The following USP18 variants were observed in gnomAD, a reference collection of about 807,000 sequenced individuals.
USP18 encodes ubl carboxyl-terminal hydrolase 18.
A neutral mutation model predicts 48.7 loss-of-function variants in USP18; 11 were observed. The observed-to-expected ratio is 0.23, with a 90% CI of 0.14 to 0.37. The LOEUF (loss-of-function observed/expected upper bound fraction) is 0.37. Among genes scored for constraint, USP18 ranks in the 10% least tolerant of loss-of-function variants. USP18 has a pLI of 1.00. For missense variants in USP18, 285 were observed against 436.4 expected (o/e 0.65, Z 3.09); for synonymous variants, 114 against 163.2 (o/e 0.70, Z 2.30).
intron 10 of USP18, among the ~76,000 whole-genome samples, chr22:18,174,186 C>T (rs1929715251): frequency 6.6e-6 from 1 of 152,036 alleles, no homozygotes; most frequent in Admixed American, 6.5e-5. Flanking sequence ...TGCTGATTCA[C>T]CCAGATTCGT....
intron 4 of USP18, among the ~76,000 whole-genome samples, chr22:18,166,146 C>T (rs2123736431): frequency 6.6e-6 from 1 of 152,342 alleles, no homozygotes; most frequent in Non-Finnish European, 1.5e-5. Flanking sequence ...CGTCCTCAGT[C>T]TGGAGAACCT....
At chr22:18,166,656 C>T (rs1209784454) in intron 4 of USP18, among the ~76,000 whole-genome samples, 1 of 152,034 alleles carries the variant, frequency 6.6e-6, no homozygotes, top group Admixed American at 6.6e-5. Context: ...TTGCATGTGG[C>T]CTTGTTGTCA....
intron 8 of USP18, among the ~76,000 whole-genome samples, chr22:18,172,551 G>C (rs1178023567): frequency 6.6e-6 from 1 of 150,638 alleles, no homozygotes; most frequent in Non-Finnish European, 1.5e-5. Context: ...CAGTTGATTT[G>C]GTTGAATATT....
intron 1 of USP18, among the ~76,000 whole-genome samples, chr22:18,152,343 A>T (rs1430921956): frequency 6.6e-6 from 1 of 150,642 alleles, no homozygotes; most frequent in Non-Finnish European, 1.5e-5. Flanking sequence ...TTCTCTGAGG[A>T]CCCCGATTGG....
At chr22:18,163,559 C>T (rs1219303925) in intron 4 of USP18, among the ~76,000 whole-genome samples, 3 of 151,420 alleles carry the variant, frequency 2.0e-5, no homozygotes, top group African/African-American at 7.3e-5. Context: ...AGGAGAATGG[C>T]GTGAACCCGG....
intron 4 of USP18, among the ~76,000 whole-genome samples, chr22:18,164,780 C>G (rs1929432037): frequency 6.6e-6 from 1 of 152,132 alleles, no homozygotes. Flanking sequence ...AACTGCTGAC[C>G]CATGTCTGCT....
At chr22:18,156,012 C>T (rs926396576) in intron 1 of USP18, among the ~76,000 whole-genome samples, 12 of 152,318 alleles carry the variant, frequency 7.9e-5, no homozygotes, top group African/African-American at 2.2e-4. Context: ...ATATACCAAT[C>T]GGCACTCTGT....
Position 18,155,429 on chromosome 22 carries a change from TGAG to T in USP18, c.-106-2125_-106-2123del, listed in dbSNP as rs559592909. On this transcript the variant is annotated intron_variant, in intron 1 of 10. Transcript: ENST00000215794. ...CCTTGGCGCCCACTCTGGCCACGCT[TGAG>T]GAGCCCTTCAGCCCACCGCTGCACT... Among the ~76,000 whole-genome samples the T allele has an allele frequency of 8.8e-3, 1,345 of 152,290 alleles. 20 individuals are homozygous for T. The highest frequency in any genetic ancestry group is 0.031 in the African/African-American group (1,272 of 41,564).
chr22:18,155,439 T>G (rs2053563244), intron 1 of USP18, among the ~76,000 whole-genome samples: 1 of 152,192 alleles, frequency 6.6e-6, no homozygotes, highest in Non-Finnish European at 1.5e-5. Flanking sequence ...TGAGGAGCCC[T>G]TCAGCCCACC....
In USP18 at chr22:18,151,811, A is replaced by G. The variant is rs1324595552; in HGVS notation, c.-107+1589A>G. Among the ~76,000 whole-genome samples, 4 of 152,236 alleles carry G rather than the reference A, an allele frequency of 2.6e-5. No homozygotes were observed. In the South Asian group the frequency reaches 6.2e-4, roughly 24 times the overall value. On this transcript the variant is annotated intron_variant, in intron 1 of 10. Coordinates refer to ENST00000215794, the MANE Select transcript of USP18 (RefSeq NM_017414.4). Reference sequence around the variant, plus strand: ...GTGGCTCACGCCTGTAATCCCAGCAATTTGGGAGGCCGAGGCAGGTGGATC... The same window carrying G: ...GTGGCTCACGCCTGTAATCCCAGCAGTTTGGGAGGCCGAGGCAGGTGGATC...
At chr22:18,172,319 C>A (rs907864387) in intron 8 of USP18, among the ~76,000 whole-genome samples, 5 of 152,184 alleles carry the variant, frequency 3.3e-5, no homozygotes, top group Admixed American at 6.5e-5. Flanking sequence ...ATAAACACTT[C>A]ATTATGTATC....
At position 18,167,887 on chromosome 22, in the gene USP18, C is replaced by G; in HGVS notation, c.481-3C>G. On this transcript the variant is annotated splice_polypyrimidine_tract_variant and splice_region_variant and intron_variant, in intron 5 of 10. Transcript: ENST00000215794. ...TCTCACCTCTCCGCTCTCCCTCTTGCAGGTGGAGAGACTGCAGGCCCTGTA... is the reference window on the plus strand; with the variant it reads ...TCTCACCTCTCCGCTCTCCCTCTTGGAGGTGGAGAGACTGCAGGCCCTGTA... 6.2e-7 allele frequency: 1 copy of G among 1,612,576 alleles called. No individual in the cohort carries two copies. Among genetic ancestry groups the G allele is most frequent in the South Asian group, 1.1e-5 (1 of 91,012 alleles).
chr22:18,154,510 A>C (rs1381764045), intron 1 of USP18, among the ~76,000 whole-genome samples: 1 of 152,108 alleles, frequency 6.6e-6, no homozygotes, highest in Non-Finnish European at 1.5e-5. Flanking sequence ...GTAGTGGCAC[A>C]ATCATAGTTC....
At chr22:18,168,395 TC>T (rs147651861) in intron 6 of USP18, among the ~76,000 whole-genome samples, 113 of 143,118 alleles carry the variant, frequency 7.9e-4, no homozygotes, top group East Asian at 3.9e-3. Flanking sequence ...TGCAATAACC[TC>T]CCCCCCCCCT....
In USP18 at chr22:18,161,773, C is replaced by T. The variant is rs1352541329; in HGVS notation, c.255-17C>T. 2 of 1,575,774 alleles carry T rather than the reference C, an allele frequency of 1.3e-6. No homozygotes were observed. The highest frequency in any genetic ancestry group is 8.6e-7 in the Non-Finnish European group (1 of 1,161,324). On this transcript the variant is annotated splice_polypyrimidine_tract_variant and intron_variant, in intron 3 of 10. Coordinates refer to ENST00000215794, the MANE Select transcript of USP18 (RefSeq NM_017414.4). ...GAACTACATGTAAGGAGGTTTCTGG[C>T]TGTTCTTGTGTGGCAGGATCACGGT...
chr22:18,159,919 T>C (rs1192213577), intron 2 of USP18, among the ~76,000 whole-genome samples: 7 of 151,952 alleles, frequency 4.6e-5, no homozygotes, highest in Non-Finnish European at 4.4e-5. Context: ...CCTCGTGATC[T>C]GCCCGCCTCG....
chr22:18,151,872 C>T (rs1929007691), intron 1 of USP18, among the ~76,000 whole-genome samples: 1 of 152,022 alleles, frequency 6.6e-6, no homozygotes, highest in Non-Finnish European at 1.5e-5. Context: ...CTAGCTAACA[C>T]GGTGCAAACC....
intron 1 of USP18, among the ~76,000 whole-genome samples, chr22:18,157,040 C>A (rs1247173460): frequency 6.6e-6 from 1 of 152,214 alleles, no homozygotes; most frequent in Non-Finnish European, 1.5e-5. Flanking sequence ...ATGAGACCAG[C>A]CCAGCACCAG....
intron 3 of USP18, 49 bp downstream of exon 3, chr22:18,160,317 T>A: frequency 6.3e-7 from 1 of 1,599,812 alleles, no homozygotes; most frequent in Admixed American, 1.7e-5. Context: ...TTCTTTTTCC[T>A]TTTTTTGAGA....
Sources: allele counts gnomAD v4.1 joint callset (sites outside exome capture counted in the v4.1 genomes callset), GRCh38; gene constraint gnomAD v4.1.1; transcripts MANE v1.5; gene names NCBI Gene and HGNC (gene_info 2026-07-23, HGNC 2026-07-21).